The following ATXN1 variants were observed in gnomAD, a reference collection of about 807,000 sequenced individuals.
ATXN1 encodes the protein ataxin-1.
A neutral mutation model predicts 56.4 loss-of-function variants in ATXN1; 8 were observed. That is an observed-to-expected ratio of 0.14 (90% confidence interval 0.08 to 0.26). The LOEUF is 0.26. ATXN1 is among the 10% of genes least tolerant of loss of function. The pLI, the probability that ATXN1 is intolerant of heterozygous loss-of-function variation, is 1.00. For synonymous variants in ATXN1, 514 were observed against 494.6 expected (o/e 1.04, Z -0.52); for missense variants, 987 against 1,106.5 (o/e 0.89, Z 1.53).
Position 16,302,080 on chromosome 6 carries a change from T to C in ATXN1, c.*4249A>G, listed in dbSNP as rs1357908985. The C allele has an allele frequency of 2.6e-5, 4 of 152,796 alleles. No homozygotes were observed. Among genetic ancestry groups the C allele is most frequent in the Admixed American group, 1.3e-4 (2 of 15,300 alleles). The allele number at this position is 152,796 out of a possible 1,614,324, so 9.5% of individuals were successfully genotyped here. A position where few individuals can be genotyped will look rare whatever the true frequency, so the allele number is the denominator to read the frequency against. On this transcript the variant is annotated 3_prime_UTR_variant, in exon 8 of 8. Transcript: ENST00000436367. ...TACTGTTCATCTTGAACATGCAGCA[T>C]TATATTGCAATCTATGCGGTATCTA...
At chr6:16,494,987 T>C (rs1760751508) in intron 5 of ATXN1, among the ~76,000 whole-genome samples, 1 of 152,194 alleles carries the variant, frequency 6.6e-6, no homozygotes, top group African/African-American at 2.4e-5. Context: ...TCACGCACCT[T>C]CTGCCCAGAG....
At chr6:16,657,478 T>C (rs767970088) in intron 3 of ATXN1, among the ~76,000 whole-genome samples, 1 of 152,238 alleles carries the variant, frequency 6.6e-6, no homozygotes, top group Non-Finnish European at 1.5e-5. Context: ...TGTAGTTTAT[T>C]TGCTGTTTGT....
intron 6 of ATXN1, among the ~76,000 whole-genome samples, chr6:16,411,327 C>G (rs1758795476): frequency 6.6e-6 from 1 of 151,872 alleles, no homozygotes; most frequent in Admixed American, 6.6e-5. Context: ...TCTCTATTTA[C>G]TACTACCTCA....
intron 2 of ATXN1, among the ~76,000 whole-genome samples, chr6:16,722,023 G>T (rs911252115): frequency 6.6e-6 from 1 of 152,144 alleles, no homozygotes; most frequent in Non-Finnish European, 1.5e-5. Context: ...TGCAGTGGCC[G>T]CAAAGGGGCA....
intron 6 of ATXN1, among the ~76,000 whole-genome samples, chr6:16,369,187 T>A (rs549732432): frequency 6.6e-6 from 1 of 152,230 alleles, no homozygotes; most frequent in African/African-American, 2.4e-5. Context: ...CTTGAAATCA[T>A]CTACCTTGTC....
intron 2 of ATXN1, among the ~76,000 whole-genome samples, chr6:16,733,041 C>A (rs1011149858): frequency 3.9e-5 from 6 of 152,186 alleles, no homozygotes; most frequent in Non-Finnish European, 7.3e-5. Flanking sequence ...TATTTTCCAA[C>A]CGATGAAAGA....
intron 6 of ATXN1, among the ~76,000 whole-genome samples, chr6:16,469,960 CAAA>C (rs5874559): frequency 2.2e-5 from 3 of 138,790 alleles, no homozygotes; most frequent in African/African-American, 2.7e-5. Flanking sequence ...AACTCTGTCT[CAAA>C]AAAAAAAAAA....
intron 4 of ATXN1, among the ~76,000 whole-genome samples, chr6:16,550,568 C>T (rs989923910): frequency 5.3e-5 from 8 of 152,176 alleles, no homozygotes; most frequent in African/African-American, 1.9e-4. Flanking sequence ...ATAATAGTTG[C>T]AGAATATAAT....
At chr6:16,467,411 A>T (rs549561996) in intron 6 of ATXN1, among the ~76,000 whole-genome samples, 2 of 152,362 alleles carry the variant, frequency 1.3e-5, no homozygotes, top group African/African-American at 4.8e-5. Flanking sequence ...CGCACGGTCC[A>T]ATCACCAGTG....
chr6:16,430,674 G>A (rs1474562285), intron 6 of ATXN1, among the ~76,000 whole-genome samples: 1 of 152,074 alleles, frequency 6.6e-6, no homozygotes, highest in Admixed American at 6.5e-5. Context: ...AATGTCTATG[G>A]CGATGATAGG....
chr6:16,491,499 T>A (rs139091518), intron 5 of ATXN1, among the ~76,000 whole-genome samples: 342 of 151,866 alleles, frequency 2.3e-3, no homozygotes, highest in African/African-American at 7.7e-3. Context: ...TTGGCCATGT[T>A]CAAGACAGGC....
rs997549131 is a variant in ATXN1 at position 16,302,673 on chromosome 6, A to AT, written c.*3655dup. The AT allele has an allele frequency of 6.6e-6, 1 of 152,532 alleles. No individual in the cohort carries two copies. The highest frequency in any genetic ancestry group is 2.1e-4 in the South Asian group (1 of 4,806). The allele number at this position is 152,532 out of a possible 1,614,324, so 9.4% of individuals were successfully genotyped here. ...TTGTTGGTTTCTTATTAATAGTATT[A>AT]TTTTTTTCTTTTCGCCCTGACTAAT... On this transcript the variant is annotated 3_prime_UTR_variant, in exon 8 of 8. Coordinates refer to ENST00000436367, the MANE Select transcript of ATXN1 (RefSeq NM_001128164.2).
intron 4 of ATXN1, among the ~76,000 whole-genome samples, chr6:16,566,059 AG>A (rs1762210474): frequency 6.6e-6 from 1 of 152,198 alleles, no homozygotes; most frequent in African/African-American, 2.4e-5. Context: ...AGAGAGAAAA[AG>A]GATTTTTCAG....
rs66603893 is a variant in ATXN1 at position 16,549,896 on chromosome 6, C to CAAA, written c.-360-27211_-360-27209dup. Among the ~76,000 whole-genome samples the CAAA allele has an allele frequency of 1.3e-3, 85 of 66,598 alleles. 1 individual carries two copies. The highest frequency in any genetic ancestry group is 8.4e-3 in the East Asian group (17 of 2,030). The allele number at this position is 66,598 out of a possible 152,430, so 43.7% of individuals were successfully genotyped here. On this transcript the variant is annotated intron_variant, in intron 4 of 7. Transcript: ENST00000436367. ...GGGCAACAAGAGCGAAACTCTGTCTCAAAAAAAAAAAAAAAAAAAAAGGAA... is the reference window on the plus strand; with the variant it reads ...GGGCAACAAGAGCGAAACTCTGTCTCAAAAAAAAAAAAAAAAAAAAAAAAGGAA...
chr6:16,532,426 G>A (rs1206087213), intron 4 of ATXN1, among the ~76,000 whole-genome samples: 1 of 152,098 alleles, frequency 6.6e-6, no homozygotes, highest in Admixed American at 6.5e-5. Flanking sequence ...TGTGCAAAGG[G>A]AACAGGCTGC....
chr6:16,608,885 T>C (rs1039637822), intron 3 of ATXN1, among the ~76,000 whole-genome samples: 9 of 152,218 alleles, frequency 5.9e-5, no homozygotes, highest in African/African-American at 2.2e-4. Context: ...AATACTTTTG[T>C]AAAATTCACA....
At chr6:16,331,381 T>C (rs1760987920) in intron 6 of ATXN1, among the ~76,000 whole-genome samples, 1 of 152,146 alleles carries the variant, frequency 6.6e-6, no homozygotes, top group Admixed American at 6.5e-5. Context: ...TAATGAACTT[T>C]TATCTTTAAA....
intron 6 of ATXN1, among the ~76,000 whole-genome samples, chr6:16,446,846 A>G (rs1310517529): frequency 1.3e-5 from 2 of 152,316 alleles, no homozygotes; most frequent in Middle Eastern, 3.4e-3. Flanking sequence ...TGGTTAATAA[A>G]CTAGAGGAAA....
intron 6 of ATXN1, among the ~76,000 whole-genome samples, chr6:16,380,186 T>TAG (rs1443683921): frequency 6.6e-6 from 1 of 152,112 alleles, no homozygotes; most frequent in Non-Finnish European, 1.5e-5. Context: ...TCCCTCTGCT[T>TAG]AGAACAGAAG....
Sources: allele counts gnomAD v4.1 joint callset (sites outside exome capture counted in the v4.1 genomes callset), GRCh38; gene constraint gnomAD v4.1.1; transcripts MANE v1.5; gene names NCBI Gene and HGNC (gene_info 2026-07-23, HGNC 2026-07-21).